PLXNA4: variants seen among roughly 807,000 people sequenced by gnomAD.
PLXNA4 encodes the protein plexin-A4.
In PLXNA4, 44 loss-of-function variants were observed where a neutral mutation model predicts 191.8. The observed-to-expected ratio is 0.23, with a 90% CI of 0.18 to 0.29. PLXNA4 has a LOEUF of 0.29. Among genes scored for constraint, PLXNA4 ranks in the 10% least tolerant of loss-of-function variants. PLXNA4 has a pLI of 1.00. For missense variants in PLXNA4, 1,800 were observed against 2,488.8 expected (o/e 0.72, Z 5.89); for synonymous variants, 1,082 against 1,009.5 (o/e 1.07, Z -1.36).
At chr7:132,496,719 C>A (rs570706321) in intron 2 of PLXNA4, among the ~76,000 whole-genome samples, 2 of 152,136 alleles carry the variant, frequency 1.3e-5, no homozygotes, top group Non-Finnish European at 2.9e-5. Context: ...ATCTTAAGCA[C>A]GGGTTTCCTC....
intron 9 of PLXNA4, among the ~76,000 whole-genome samples, chr7:132,222,729 C>T (rs1409294140): frequency 1.3e-5 from 2 of 152,296 alleles, no homozygotes; most frequent in Admixed American, 1.3e-4. Context: ...GAAGTCCTTG[C>T]CCACACTCTG....
At chr7:132,312,961 A>T (rs1279889333) in intron 3 of PLXNA4, among the ~76,000 whole-genome samples, 1 of 152,190 alleles carries the variant, frequency 6.6e-6, no homozygotes, top group Non-Finnish European at 1.5e-5. Context: ...TTGGCAAAGG[A>T]GAGAGGGAAG....
At chr7:132,601,763 C>T (rs1802825381) in intron 2 of PLXNA4, among the ~76,000 whole-genome samples, 1 of 152,136 alleles carries the variant, frequency 6.6e-6, no homozygotes, top group African/African-American at 2.4e-5. Flanking sequence ...AGGTTTCTGT[C>T]ACATGTAGCT....
Position 132,130,305 on chromosome 7 carries a change from A to T in PLXNA4, c.*174T>A. The T allele has an allele frequency of 1.1e-6, 1 of 892,782 alleles. No homozygotes were observed. 55.3% of individuals were successfully genotyped at this position (892,782 alleles called of 1,614,324 possible). A position where few individuals can be genotyped will look rare whatever the true frequency, so the allele number is the denominator to read the frequency against. ...GTGTTGGCAGAGCAACTGGAAGAGA[A>T]GAGATCCAGGAAGGAGGGAGAAACG... is the stretch of plus-strand genomic sequence containing the variant. On this transcript the variant is annotated 3_prime_UTR_variant, in exon 32 of 32. Transcript: ENST00000321063.
chr7:132,635,298 G>T (rs1396209301), intron 2 of PLXNA4, among the ~76,000 whole-genome samples: 2 of 151,490 alleles, frequency 1.3e-5, no homozygotes, highest in Non-Finnish European at 2.9e-5. Context: ...GGGGTCAAAG[G>T]TCATAGCGTA....
intron 3 of PLXNA4, among the ~76,000 whole-genome samples, chr7:132,445,842 C>T (rs10954375): frequency 0.72 from 109,799 of 152,084 alleles, 43,724 homozygotes; most frequent in Non-Finnish European, 0.89. Flanking sequence ...CACTGTGTCC[C>T]CCCTCAGGGA....
intron 3 of PLXNA4, among the ~76,000 whole-genome samples, chr7:132,343,689 C>T (rs559067573): frequency 2.6e-5 from 4 of 152,260 alleles, no homozygotes; most frequent in African/African-American, 4.8e-5. Context: ...GAGGCCAAGG[C>T]GGGCAGATCA....
intron 2 of PLXNA4, among the ~76,000 whole-genome samples, chr7:132,497,122 G>GCACGCA (rs1798054010): frequency 6.7e-6 from 1 of 150,186 alleles, no homozygotes; most frequent in East Asian, 1.9e-4. Flanking sequence ...GTGCACGCAC[G>GCACGCA]CACACACACA....
chr7:132,492,290 G>A (rs1419637031), intron 2 of PLXNA4, among the ~76,000 whole-genome samples: 1 of 152,186 alleles, frequency 6.6e-6, no homozygotes, highest in Non-Finnish European at 1.5e-5. Context: ...GCATTTCTGA[G>A]GGGTCAGGAT....
At chr7:132,462,721 G>T (rs1796555307) in intron 3 of PLXNA4, among the ~76,000 whole-genome samples, 1 of 151,836 alleles carries the variant, frequency 6.6e-6, no homozygotes, top group African/African-American at 2.4e-5. Flanking sequence ...GTATTCACAG[G>T]CATGAGCCAC....
chr7:132,507,367 T>A, intron 2 of PLXNA4, 139 bp downstream of exon 2: 2 of 955,396 alleles, frequency 2.1e-6, no homozygotes, highest in Non-Finnish European at 3.0e-6. Context: ...CTGGGTCCAA[T>A]GAGACTCAGA....
intron 2 of PLXNA4, among the ~76,000 whole-genome samples, chr7:132,603,534 C>G (rs1208813565): frequency 2.0e-5 from 3 of 152,218 alleles, no homozygotes; most frequent in Admixed American, 6.5e-5. Flanking sequence ...AGCCCAGCCT[C>G]TAATATGCAC....
intron 3 of PLXNA4, among the ~76,000 whole-genome samples, chr7:132,359,523 G>T (rs188269041): frequency 1.5e-4 from 23 of 152,174 alleles, no homozygotes; most frequent in African/African-American, 5.3e-4. Context: ...GGCTGTCAAG[G>T]CTCCTAATAC....
At chr7:132,206,278 T>G (rs758967955) in intron 10 of PLXNA4, among the ~76,000 whole-genome samples, 1 of 152,202 alleles carries the variant, frequency 6.6e-6, no homozygotes, top group Non-Finnish European at 1.5e-5. Context: ...CGTATTTTAG[T>G]CTATGTGCAT....
At chr7:132,297,632 T>C (rs990607517) in intron 4 of PLXNA4, among the ~76,000 whole-genome samples, 1 of 152,156 alleles carries the variant, frequency 6.6e-6, no homozygotes, top group East Asian at 1.9e-4. Context: ...TCACATCTCA[T>C]CACACAGACT....
At chr7:132,382,320 GATA>G (rs1804930454) in intron 3 of PLXNA4, among the ~76,000 whole-genome samples, 1 of 152,100 alleles carries the variant, frequency 6.6e-6, no homozygotes, top group Non-Finnish European at 1.5e-5. Context: ...TGCCTGCTTG[GATA>G]ATATTTGACC....
intron 1 of PLXNA4, among the ~76,000 whole-genome samples, chr7:132,513,958 G>A (rs747193666): frequency 6.6e-6 from 1 of 152,102 alleles, no homozygotes; most frequent in Non-Finnish European, 1.5e-5. Context: ...TTATGGGCAT[G>A]AGCCACTGTA....
At chr7:132,443,724 A>G (rs1014083140) in intron 3 of PLXNA4, among the ~76,000 whole-genome samples, 1 of 152,204 alleles carries the variant, frequency 6.6e-6, no homozygotes, top group Non-Finnish European at 1.5e-5. Flanking sequence ...AAATATTGCT[A>G]TTGAAGGATT....
intron 3 of PLXNA4, among the ~76,000 whole-genome samples, chr7:132,422,344 G>A (rs1334408439): frequency 2.6e-5 from 4 of 152,196 alleles, no homozygotes; most frequent in Non-Finnish European, 4.4e-5. Context: ...GGTCCCTCCA[G>A]ATTTTCTACA....
Sources: allele counts gnomAD v4.1 joint callset (sites outside exome capture counted in the v4.1 genomes callset), GRCh38; gene constraint gnomAD v4.1.1; transcripts MANE v1.5; gene names NCBI Gene and HGNC (gene_info 2026-07-23, HGNC 2026-07-21).